Variants in CACNA1D observed in about 807,000 individuals in gnomAD.
CACNA1D encodes voltage-dependent L-type calcium channel subunit alpha-1D.
CACNA1D carries 55 observed loss-of-function variants against 257.1 expected under a neutral mutation model. The observed-to-expected ratio is 0.21, with a 90% CI of 0.17 to 0.27. The LOEUF (loss-of-function observed/expected upper bound fraction) is 0.27. Ranked by LOEUF, CACNA1D falls within the 10% of genes least tolerant of loss-of-function variation. The pLI, the probability that CACNA1D is intolerant of heterozygous loss-of-function variation, is 1.00. For missense variants in CACNA1D, 1,876 were observed against 2,784.0 expected (o/e 0.67, Z 7.34); for synonymous variants, 980 against 1,014.9 (o/e 0.97, Z 0.65).
intron 7 of CACNA1D, among the ~76,000 whole-genome samples, chr3:53,672,330 C>T (rs76003054): frequency 0.018 from 2,697 of 152,260 alleles, 75 homozygotes; most frequent in African/African-American, 0.061. Flanking sequence ...CCAAAGAGCC[C>T]GTGGCTTGTG....
intron 3 of CACNA1D, among the ~76,000 whole-genome samples, chr3:53,610,486 T>C (rs1056275975): frequency 5.3e-5 from 8 of 152,214 alleles, no homozygotes; most frequent in African/African-American, 1.9e-4. Context: ...CATTATGAAA[T>C]GTTCCTCTTT....
At chr3:53,798,330 T>TGC (rs1559706738) in intron 40 of CACNA1D, among the ~76,000 whole-genome samples, 2 of 143,238 alleles carry the variant, frequency 1.4e-5, no homozygotes, top group African/African-American at 5.1e-5. Context: ...TGTGTGTGCG[T>TGC]GTGTGTGCGT....
intron 7 of CACNA1D, among the ~76,000 whole-genome samples, chr3:53,670,888 A>G (rs946825693): frequency 1.3e-5 from 2 of 152,170 alleles, no homozygotes; most frequent in Non-Finnish European, 2.9e-5. Flanking sequence ...TCTTTTGTAT[A>G]TGGTAAGATC....
chr3:53,705,953 T>C (rs1401052928), intron 9 of CACNA1D, among the ~76,000 whole-genome samples: 1 of 152,224 alleles, frequency 6.6e-6, no homozygotes, highest in African/African-American at 2.4e-5. Flanking sequence ...ATTCACCACA[T>C]GCACATGCCA....
chr3:53,743,620 A>C (rs918934863), intron 22 of CACNA1D, among the ~76,000 whole-genome samples: 9 of 152,248 alleles, frequency 5.9e-5, no homozygotes, highest in African/African-American at 2.2e-4. Flanking sequence ...GCCAAGGCTG[A>C]AAGTCAGGGC....
intron 5 of CACNA1D, among the ~76,000 whole-genome samples, chr3:53,662,605 T>TCTCAC (rs2094215414): frequency 6.6e-6 from 1 of 152,154 alleles, no homozygotes. Context: ...AGCTAGTGAG[T>TCTCAC]AGCCAGACAG....
In CACNA1D at chr3:53,751,949, C is replaced by T. The variant is rs751044733; in HGVS notation, c.3675+42C>T. ...CCGTGGGGATCAGGTCCGGGCATTC[C>T]GCACAGCCCCGTGCCCCAAATGCTG... is the stretch of plus-strand genomic sequence containing the variant. On this transcript the variant is annotated intron_variant, in intron 28 of 47. Transcript: ENST00000350061. This position sits in a 1 kb window ranked among gnomAD's most constrained non-coding sequence, Gnocchi z 4.3. 42 of 1,591,962 alleles carry T rather than the reference C, an allele frequency of 2.6e-5. No individual in the cohort carries two copies. The highest frequency in any genetic ancestry group is 1.7e-4 in the Middle Eastern group (1 of 5,976).
At chr3:53,622,729 C>T (rs1285216208) in intron 3 of CACNA1D, among the ~76,000 whole-genome samples, 1 of 152,116 alleles carries the variant, frequency 6.6e-6, no homozygotes, top group Non-Finnish European at 1.5e-5. Flanking sequence ...AACAAATCTG[C>T]ACTCGTACCC....
At chr3:53,550,910 G>C (rs1473328180) in intron 3 of CACNA1D, among the ~76,000 whole-genome samples, 1 of 152,112 alleles carries the variant, frequency 6.6e-6, no homozygotes, top group African/African-American at 2.4e-5. Context: ...TGTTTAGTCA[G>C]CTCCCTCTGA....
At position 53,800,339 on chromosome 3, in the gene CACNA1D, CGAG is replaced by C; in HGVS notation, c.5015_5017del (p.Arg1672_Glu1673delinsGln). 2 of 1,611,898 alleles carry C rather than the reference CGAG, an allele frequency of 1.2e-6. No homozygotes were observed. The highest frequency in any genetic ancestry group is 1.7e-6 in the Non-Finnish European group (2 of 1,177,956). ...AGATGACGAGCCTGAGGAAACAAAACGAGAAGAAGAAGATGATGTGTTCAAAGT... is the reference window on the plus strand; with the variant it reads ...AGATGACGAGCCTGAGGAAACAAAACAAGAAGAAGATGATGTGTTCAAAGT... On this transcript the variant is annotated inframe_deletion, in exon 41 of 48. Transcript: ENST00000350061. The surrounding 1 kb of genome is among the most constrained non-coding windows in gnomAD (Gnocchi z 4.3).
rs1158910444 is a variant in CACNA1D, at chr3:53,726,966, A to G, written c.2188A>G (p.Ile730Val). ...ATCCTCTTCAGGAATGATCGTCTGC[A>G]TCTACTTCATCATCCTCTTCATTTG... ...GPSSSGMIVC[I>V]YFIILFICGN... Residue 730 changes from isoleucine to valine, a missense_variant, in exon 15 of 48, where the codon ATC becomes GTC. By Grantham distance (29) the Ile-to-Val change is conservative. Coordinates refer to ENST00000350061, the MANE Select transcript of CACNA1D (RefSeq NM_001128840.3). 4 of 1,614,148 alleles carry G rather than the reference A, an allele frequency of 2.5e-6. No homozygotes were observed. The highest frequency in any genetic ancestry group is 1.1e-5 in the South Asian group (1 of 91,084).
chr3:53,705,520 C>T (rs1001307172), intron 9 of CACNA1D, among the ~76,000 whole-genome samples: 1 of 152,182 alleles, frequency 6.6e-6, no homozygotes, highest in African/African-American at 2.4e-5. Context: ...AAATGATTAA[C>T]TAGCTTAACG....
rs2095607522 is a variant in CACNA1D, at chr3:53,813,067, A to AAGAT, written c.*1666_*1669dup. 1 of 152,190 alleles carries AAGAT rather than the reference A, an allele frequency of 6.6e-6. No homozygotes were observed. The highest frequency in any genetic ancestry group is 1.5e-5 in the Non-Finnish European group (1 of 68,046). 9.4% of individuals were successfully genotyped at this position (152,190 alleles called of 1,614,324 possible). A position where few individuals can be genotyped will look rare whatever the true frequency, so the allele number is the denominator to read the frequency against. The stretch of plus-strand genomic sequence containing the variant: ...TTGGCAGGGATTCCCTGCAATCAAA[A>AAGAT]AGATAGATGATAGGTAGCAATTTTG... On this transcript the variant is annotated 3_prime_UTR_variant, in exon 48 of 48. Coordinates refer to ENST00000350061, the MANE Select transcript of CACNA1D (RefSeq NM_001128840.3).
chr3:53,497,057 C>T, intron 1 of CACNA1D, 95 bp from the exon 2 acceptor site: 3 of 899,528 alleles, frequency 3.3e-6, no homozygotes, highest in Non-Finnish European at 1.8e-6. Flanking sequence ...GAATGATTCC[C>T]CTGTTATTGA....
Position 53,538,141 on chromosome 3 carries a change from G to GTTTTTTTTTTTTTT in CACNA1D, c.483+36434_483+36447dup, listed in dbSNP as rs538996336. 4.9e-4 allele frequency among the ~76,000 whole-genome samples: 44 copies of GTTTTTTTTTTTTTT among 90,466 alleles called. 8 individuals are homozygous for GTTTTTTTTTTTTTT. Among genetic ancestry groups the GTTTTTTTTTTTTTT allele is most frequent in the African/African-American group, 2.5e-3 (41 of 16,672 alleles). The allele number at this position is 90,466 out of a possible 152,430, so 59.3% of individuals were successfully genotyped here. A position where few individuals can be genotyped will look rare whatever the true frequency, so the allele number is the denominator to read the frequency against. Reference sequence around the variant, plus strand: ...TTCTCCATATTTACCAGTTTTTGAAGTTTTTTTTTTTTTTTTTTTTTTTTT... The same window carrying GTTTTTTTTTTTTTT: ...TTCTCCATATTTACCAGTTTTTGAAGTTTTTTTTTTTTTTTTTTTTTTTTTTTTTTTTTTTTTTT... On this transcript the variant is annotated intron_variant, in intron 3 of 47. Coordinates refer to ENST00000350061, the MANE Select transcript of CACNA1D (RefSeq NM_001128840.3).
intron 8 of CACNA1D, among the ~76,000 whole-genome samples, chr3:53,676,817 G>A (rs940016702): frequency 2.0e-5 from 3 of 152,226 alleles, no homozygotes; most frequent in Admixed American, 6.5e-5. Context: ...CTCAAGGTAA[G>A]TATGAAGTTT....
chr3:53,796,043 T>G, intron 40 of CACNA1D: 1 of 206,706 alleles, frequency 4.8e-6, no homozygotes, highest in Non-Finnish European at 1.0e-5. Context: ...GGTGACAAAA[T>G]AAGGGGTGTG....
chr3:53,576,079 G>A (rs1008915903), intron 3 of CACNA1D, among the ~76,000 whole-genome samples: 1 of 152,198 alleles, frequency 6.6e-6, no homozygotes, highest in Non-Finnish European at 1.5e-5. Context: ...CGCTGATGGT[G>A]TTGGTGGCAG....
chr3:53,550,409 A>G (rs1292610973), intron 3 of CACNA1D, among the ~76,000 whole-genome samples: 5 of 152,130 alleles, frequency 3.3e-5, no homozygotes, highest in Non-Finnish European at 7.4e-5. Flanking sequence ...CGCAGCTTCT[A>G]GCACCCCTGG....
Sources: allele counts gnomAD v4.1 joint callset (sites outside exome capture counted in the v4.1 genomes callset), GRCh38; gene constraint gnomAD v4.1.1; non-coding constraint Gnocchi (gnomAD v3.1); transcripts MANE v1.5; gene names NCBI Gene and HGNC (gene_info 2026-07-23, HGNC 2026-07-21).